PPFIA2: variants seen among roughly 807,000 people sequenced by gnomAD.
The protein encoded by PPFIA2 is PPFI scaffold protein A2.
PPFIA2 carries 46 observed loss-of-function variants against 175.5 expected under a neutral mutation model. The ratio of observed to expected loss-of-function variants is 0.26; its 90% CI spans 0.21 to 0.34. The LOEUF (loss-of-function observed/expected upper bound fraction) is 0.34, where lower values mean the gene tolerates loss of function less well. Ranked by LOEUF, PPFIA2 falls within the 10% of genes least tolerant of loss-of-function variation. The pLI is 1.00. For synonymous variants in PPFIA2, 568 were observed against 511.4 expected (o/e 1.11, Z -1.49); for missense variants, 1,179 against 1,506.1 (o/e 0.78, Z 3.60).
At chr12:81,373,122 G>T (rs1463639820) in intron 11 of PPFIA2, among the ~76,000 whole-genome samples, 2 of 151,588 alleles carry the variant, frequency 1.3e-5, no homozygotes, top group Non-Finnish European at 3.0e-5. Flanking sequence ...AGGTTAATGT[G>T]GGGCAGTGAT....
intron 4 of PPFIA2, chr12:81,598,017 T>C (rs985564388): frequency 1.3e-6 from 2 of 1,535,130 alleles, no homozygotes; most frequent in Middle Eastern, 1.7e-4. Flanking sequence ...ACGGTGTTCA[T>C]ATCCGAGAAA....
rs181281863 is a variant in PPFIA2, at chr12:81,560,429, T to C, written c.304-102563A>G. Among the ~76,000 whole-genome samples the C allele has an allele frequency of 4.2e-3, 637 of 152,298 alleles. 2 individuals carry two copies. Among genetic ancestry groups the C allele is most frequent in the African/African-American group, 0.014 (601 of 41,570 alleles). On this transcript the variant is annotated intron_variant, in intron 4 of 32. Coordinates refer to ENST00000549396, the MANE Select transcript of PPFIA2 (RefSeq NM_003625.5). ...ATTCTTACATGACCTCACCATCTGA[T>C]TGTTTTTATAGAAATACTAGCAGAG... is the stretch of plus-strand genomic sequence containing the variant.
At chr12:81,722,607 G>A (rs2079505480) in intron 3 of PPFIA2, among the ~76,000 whole-genome samples, 1 of 150,950 alleles carries the variant, frequency 6.6e-6, no homozygotes, top group South Asian at 2.1e-4. Context: ...TCCATATTAA[G>A]CTTCAATTTC....
At chr12:81,294,537 G>C (rs997160360) in intron 24 of PPFIA2, 4 of 62,432 alleles carry the variant, frequency 6.4e-5, no homozygotes, top group Admixed American at 3.4e-4. Flanking sequence ...AAGGAACGAA[G>C]GAAGGAAGGA....
chr12:81,752,678 T>A (rs538521105), intron 3 of PPFIA2, among the ~76,000 whole-genome samples: 1 of 152,350 alleles, frequency 6.6e-6, no homozygotes, highest in East Asian at 1.9e-4. Flanking sequence ...AATATCTCTA[T>A]GAGTTAATAG....
At chr12:81,595,792 T>A (rs61937278) in intron 4 of PPFIA2, among the ~76,000 whole-genome samples, 1 of 152,120 alleles carries the variant, frequency 6.6e-6, no homozygotes, top group South Asian at 2.1e-4. Context: ...TAGCATACCA[T>A]GTCAGAAAAA....
At chr12:81,733,804 A>C (rs1448826913) in intron 3 of PPFIA2, among the ~76,000 whole-genome samples, 1 of 151,730 alleles carries the variant, frequency 6.6e-6, no homozygotes, top group African/African-American at 2.4e-5. Context: ...CACCTCAAAT[A>C]AGCTAAGCAT....
intron 24 of PPFIA2, among the ~76,000 whole-genome samples, chr12:81,285,252 T>A (rs773152253): frequency 3.9e-5 from 6 of 152,100 alleles, no homozygotes; most frequent in Non-Finnish European, 8.8e-5. Flanking sequence ...TTTATGAACA[T>A]TGCAAGGTTT....
chr12:81,400,247 C>T (rs1267557266), intron 8 of PPFIA2, among the ~76,000 whole-genome samples: 3 of 152,136 alleles, frequency 2.0e-5, no homozygotes. Context: ...AATACTTTGT[C>T]TCCACTGAGG....
chr12:81,548,373 T>G (rs1466349084), intron 4 of PPFIA2, among the ~76,000 whole-genome samples: 1 of 152,166 alleles, frequency 6.6e-6, no homozygotes, highest in Non-Finnish European at 1.5e-5. Flanking sequence ...TTAATTAATA[T>G]TTCAAAAAAA....
chr12:81,466,152 A>T (rs934141053), intron 4 of PPFIA2, among the ~76,000 whole-genome samples: 1 of 152,174 alleles, frequency 6.6e-6, no homozygotes, highest in Admixed American at 6.6e-5. Context: ...CACAAAAATC[A>T]TTGGGTAAGA....
At chr12:81,358,732 A>C (rs1487214421) in intron 15 of PPFIA2, among the ~76,000 whole-genome samples, 1 of 152,084 alleles carries the variant, frequency 6.6e-6, no homozygotes, top group Non-Finnish European at 1.5e-5. Flanking sequence ...TCTATTTTTC[A>C]ATTTAGAGAA....
At chr12:81,752,323 T>C (rs2083927996) in intron 3 of PPFIA2, among the ~76,000 whole-genome samples, 1 of 152,174 alleles carries the variant, frequency 6.6e-6, no homozygotes, top group South Asian at 2.1e-4. Flanking sequence ...ACAAGAGAAT[T>C]AACTAACTCA....
At chr12:81,455,874 C>A (rs1046195559) in intron 5 of PPFIA2, among the ~76,000 whole-genome samples, 6 of 152,126 alleles carry the variant, frequency 3.9e-5, no homozygotes, top group Admixed American at 3.3e-4. Flanking sequence ...AGTTATCTGA[C>A]CTTTTCTGAG....
chr12:81,302,352 C>A (rs2048060534), intron 22 of PPFIA2, among the ~76,000 whole-genome samples: 1 of 152,106 alleles, frequency 6.6e-6, no homozygotes, highest in East Asian at 1.9e-4. Context: ...TAAGAGGCAA[C>A]CCAATGTGCT....
At chr12:81,520,744 G>A (rs1325290644) in intron 4 of PPFIA2, among the ~76,000 whole-genome samples, 5 of 152,176 alleles carry the variant, frequency 3.3e-5, no homozygotes, top group African/African-American at 1.2e-4. Flanking sequence ...CACCCTTCCT[G>A]AGAGCATCCC....
chr12:81,755,619 G>C (rs2084521218), intron 2 of PPFIA2, among the ~76,000 whole-genome samples: 1 of 152,102 alleles, frequency 6.6e-6, no homozygotes, highest in East Asian at 1.9e-4. Context: ...TGAATGATCT[G>C]GTCAGGGACT....
chr12:81,312,229 A>T, intron 22 of PPFIA2: 1 of 1,430,170 alleles, frequency 7.0e-7, no homozygotes, highest in South Asian at 1.2e-5. Context: ...TAATGGATAC[A>T]GTTCAATCCA....
At chr12:81,428,549 A>T (rs2047551060) in intron 7 of PPFIA2, among the ~76,000 whole-genome samples, 1 of 152,034 alleles carries the variant, frequency 6.6e-6, no homozygotes, top group South Asian at 2.1e-4. Flanking sequence ...ATTCATGATA[A>T]TAACTTGGAC....
Sources: allele counts gnomAD v4.1 joint callset (sites outside exome capture counted in the v4.1 genomes callset), GRCh38; gene constraint gnomAD v4.1.1; transcripts MANE v1.5; gene names NCBI Gene and HGNC (gene_info 2026-07-23, HGNC 2026-07-21).